The following ECD variants were observed in gnomAD, a reference collection of about 807,000 sequenced individuals.
ECD encodes ecdysoneless cell cycle regulator.
ECD carries 59 observed loss-of-function variants against 77.2 expected under a neutral mutation model. That is an observed-to-expected ratio of 0.76 (90% CI 0.62 to 0.95). The LOEUF is 0.95. Among genes scored for constraint, ECD ranks in the 40% least tolerant of loss-of-function variants. ECD has a pLI of 0.00. For synonymous variants in ECD, 233 were observed against 267.4 expected, an observed-to-expected ratio of 0.87 and a Z score of 1.26; for missense variants, 704 against 763.4, an observed-to-expected ratio of 0.92 and a Z score of 0.92.
intron 2 of ECD, 124 bp downstream of exon 2, chr10:73,163,609 T>A: frequency 1.2e-6 from 1 of 828,054 alleles, no homozygotes; most frequent in Non-Finnish European, 1.9e-6. Flanking sequence ...GTATTACTCA[T>A]CTAAAAAGTT....
At chr10:73,150,390 C>T (rs1041044024) in intron 7 of ECD, among the ~76,000 whole-genome samples, 1 of 152,188 alleles carries the variant, frequency 6.6e-6, no homozygotes, top group Non-Finnish European at 1.5e-5. Context: ...GGATTGAAGA[C>T]TTAAATGTTA....
At chr10:73,142,197 TG>T (rs372104262) in intron 9 of ECD, among the ~76,000 whole-genome samples, 147 of 152,118 alleles carry the variant, frequency 9.7e-4, no homozygotes, top group African/African-American at 3.4e-3. Context: ...GTAGTAGAGA[TG>T]GGGTTTCACC....
intron 6 of ECD, among the ~76,000 whole-genome samples, chr10:73,152,914 C>CAAAAAAAAAAAA (rs146290115): frequency 0.063 from 9,214 of 147,064 alleles, 444 homozygotes; most frequent in East Asian, 0.27. Flanking sequence ...GACACTGTTG[C>CAAAAAAAAAAAA]AAAAAAAATT....
At position 73,136,772 on chromosome 10, in the gene ECD, T is replaced by G; in HGVS notation, c.1636A>C (p.Met546Leu). The part of the protein sequence containing the change: ...KGTLDNLKSY[M>L]AQMDQELAHT... ...GCTAGTTCCTGGTCCATCTGGGCCA[T>G]GTATGACTTGAGATTATCAAGTGTT... The change falls in exon 13 of 14, where the codon ATG (methionine) becomes CTG (leucine). Residue 546 changes from methionine (M) to leucine (L), a missense_variant. Physicochemically the swap from Met to Leu is conservative, Grantham distance 15 (BLOSUM62 2). Transcript: ENST00000372979. 1 of 1,614,088 alleles carries G rather than the reference T, an allele frequency of 6.2e-7. No homozygotes were observed. Among genetic ancestry groups the G allele is most frequent in the African/African-American group, 1.3e-5 (1 of 75,018 alleles).
At chr10:73,161,107 C>T (rs1019193506) in intron 2 of ECD, among the ~76,000 whole-genome samples, 3 of 151,060 alleles carry the variant, frequency 2.0e-5, no homozygotes, top group Non-Finnish European at 4.4e-5. Flanking sequence ...TCAGTGAAAG[C>T]AGTGCTAAAA....
Position 73,163,928 on chromosome 10 carries a change from T to C in ECD, c.10A>G (p.Thr4Ala). ...TCTTCCATCGTAGCAAGCTTCATGG[T>C]TTCTTCCATTCTTCTTTGAAAACTA... Reference protein sequence around the residue: MEETMKLATMEDTV... With the variant: MEEAMKLATMEDTV... The change falls in exon 2 of 14, where the codon ACC becomes GCC. Residue 4 changes from threonine (T) to alanine (A), a missense_variant. Coordinates refer to ENST00000372979, the MANE Select transcript of ECD (RefSeq NM_007265.3). The C allele has an allele frequency of 6.2e-7, 1 of 1,613,912 alleles. No homozygotes were observed.
At chr10:73,155,814 G>C (rs1171633942) in intron 5 of ECD, among the ~76,000 whole-genome samples, 1 of 151,834 alleles carries the variant, frequency 6.6e-6, no homozygotes, top group African/African-American at 2.4e-5. Context: ...ATGTTGGCCA[G>C]GCTGGTCTTG....
chr10:73,162,379 A>C (rs1161438515), intron 2 of ECD, among the ~76,000 whole-genome samples: 2 of 152,252 alleles, frequency 1.3e-5, no homozygotes. Flanking sequence ...ATTACTGACT[A>C]GCTTGGATAA....
intron 13 of ECD, among the ~76,000 whole-genome samples, 185 bp from the exon 14 acceptor site, chr10:73,134,998 A>C (rs1177063570): frequency 1.3e-5 from 2 of 152,186 alleles, no homozygotes; most frequent in Non-Finnish European, 2.9e-5. Flanking sequence ...ACACATAATA[A>C]AACTTGGTTC....
chr10:73,154,802 C>T (rs2041769890), intron 5 of ECD, among the ~76,000 whole-genome samples: 1 of 151,694 alleles, frequency 6.6e-6, no homozygotes, highest in Non-Finnish European at 1.5e-5. Flanking sequence ...GGCGTGGTGG[C>T]ATACGCCTGT....
chr10:73,158,660 C>T (rs556405883), intron 3 of ECD, among the ~76,000 whole-genome samples: 3 of 151,968 alleles, frequency 2.0e-5, no homozygotes, highest in East Asian at 1.9e-4. Flanking sequence ...TGCTTGAGCC[C>T]GGGAGGCAGA....
chr10:73,147,002 C>G (rs1843139001), intron 8 of ECD, among the ~76,000 whole-genome samples: 1 of 149,638 alleles, frequency 6.7e-6, no homozygotes, highest in Non-Finnish European at 1.5e-5. Context: ...CTTTGGGAAG[C>G]AGAGGTGGGA....
Position 73,137,993 on chromosome 10 carries a change from C to A in ECD, c.1489+10G>T. On this transcript the variant is annotated intron_variant, in intron 12 of 13. Coordinates refer to ENST00000372979, the MANE Select transcript of ECD (RefSeq NM_007265.3). Reference sequence around the variant, plus strand: ...TTCAAAATGAAAGTCAACATCACACCACTACTTACCTAAAATCTTATCAAA... The same window carrying A: ...TTCAAAATGAAAGTCAACATCACACAACTACTTACCTAAAATCTTATCAAA... 6.3e-7 allele frequency: 1 copy of A among 1,579,266 alleles called. No individual in the cohort carries two copies.
Position 73,134,791 on chromosome 10 carries a change from T to C in ECD, c.1727A>G (p.Asp576Gly), listed in dbSNP as rs765752296. 7 of 1,614,038 alleles carry C rather than the reference T, an allele frequency of 4.3e-6. No homozygotes were observed. The highest frequency in any genetic ancestry group is 1.3e-5 in the African/African-American group (1 of 74,914). Residue 576 changes from aspartate to glycine, a missense_variant, in exon 14 of 14, where the codon GAT becomes GGT. Asp to Gly is a moderately conservative substitution (Grantham distance 94, BLOSUM62 -1). Coordinates refer to ENST00000372979, the MANE Select transcript of ECD (RefSeq NM_007265.3). ...NQVEPVSQTT[D>G]NNSDEEDSGT... The stretch of plus-strand genomic sequence containing the variant: ...AGAATCTTCCTCATCTGAATTGTTA[T>C]CGGTAGTCTGGGATACAGGTTCCTT...
chr10:73,146,348 C>G lies in ECD; in HGVS notation c.1055G>C (p.Gly352Ala), dbSNP rs376310717. 2.1e-5 allele frequency: 33 copies of G among 1,603,008 alleles called. No homozygotes were observed. The highest frequency in any genetic ancestry group is 2.6e-5 in the Non-Finnish European group (31 of 1,173,796). The change falls in exon 9 of 14, where the codon GGT (glycine) becomes GCT (alanine). Residue 352 changes from glycine to alanine, a missense_variant. By Grantham distance (60) the Gly-to-Ala change is moderately conservative. This residue lies in a region of ECD where 559 missense variants were observed against 583.7 expected (regional missense o/e 0.96). Coordinates refer to ENST00000372979, the MANE Select transcript of ECD (RefSeq NM_007265.3). ...KNDYFKGLIEGSAQYRERLEM... is the reference protein window; with the variant it reads ...KNDYFKGLIEASAQYRERLEM... ...TAGCCTTTCCCGGTACTGAGCAGAA[C>G]CTTCTATCAGTCCCTTAAAAAAAAA...
At chr10:73,156,713 A>C in intron 3 of ECD, 58 bp from the exon 4 acceptor site, 1 of 1,436,458 alleles carries the variant, frequency 7.0e-7, no homozygotes, top group Non-Finnish European at 9.8e-7. Context: ...CTAGTAACCA[A>C]AACAGTTTCA....
In ECD at chr10:73,134,681, C is replaced by T. The variant is rs1842956828; in HGVS notation, c.1837G>A (p.Gly613Arg). Reference protein sequence around the residue: ...NILESYSSQAGLAGPASNLLQ... With the variant: ...NILESYSSQARLAGPASNLLQ... ...AGATTGGAAGCAGGTCCTGCCAGTCCAGCTTGGGAGCTATAGGATTCCAAT... is the reference window on the plus strand; with the variant it reads ...AGATTGGAAGCAGGTCCTGCCAGTCTAGCTTGGGAGCTATAGGATTCCAAT... The change falls in exon 14 of 14, where the codon GGA (glycine) becomes AGA (arginine). Residue 613 changes from glycine to arginine, a missense_variant. Around this residue, in one of 3 missense-constraint regions of ECD, gnomAD observed 142 missense variants for 163.6 expected, o/e 0.87. Transcript: ENST00000372979. The T allele has an allele frequency of 6.2e-7, 1 of 1,614,062 alleles. No homozygotes were observed. Among genetic ancestry groups the T allele is most frequent in the African/African-American group, 1.3e-5 (1 of 74,930 alleles).
At chr10:73,156,478 C>T in intron 4 of ECD, 25 bp from the exon 5 acceptor site, 1 of 1,608,658 alleles carries the variant, frequency 6.2e-7, no homozygotes, top group Non-Finnish European at 8.5e-7. Flanking sequence ...TTTCAATTTT[C>T]ACAGTGGGCA....
At chr10:73,165,313 A>G (rs1032355943) in intron 1 of ECD, among the ~76,000 whole-genome samples, 7 of 151,662 alleles carry the variant, frequency 4.6e-5, no homozygotes, top group African/African-American at 1.7e-4. Context: ...GTCTCATGGG[A>G]TGGTAGGTAT....
Sources: gnomAD v4.1 joint callset for allele counts (sites outside exome capture counted in the v4.1 genomes callset) on GRCh38, gnomAD v4.1.1 for gene constraint, gnomAD v4.1.1 regional missense constraint, MANE v1.5 for transcripts, NCBI Gene and HGNC (gene_info 2026-07-23, HGNC 2026-07-21) for gene names.